DPYD: variants seen among roughly 807,000 people sequenced by gnomAD.
DPYD encodes dihydropyrimidine dehydrogenase, also known as dihydropyrimidine dehydrogenase [NADP(+)].
A neutral mutation model predicts 116.2 loss-of-function variants in DPYD; 109 were observed. That is an observed-to-expected ratio of 0.94 (90% CI 0.80 to 1.10). The LOEUF is 1.10. Ranked by LOEUF, DPYD falls within the 50% of genes least tolerant of loss-of-function variation. The pLI is 0.00. For missense variants in DPYD, 1,302 were observed against 1,254.5 expected (o/e 1.04, Z -0.57); for synonymous variants, 440 against 432.0 (o/e 1.02, Z -0.23).
intron 16 of DPYD, among the ~76,000 whole-genome samples, chr1:97,314,223 G>A (rs1667681453): frequency 6.6e-6 from 1 of 151,790 alleles, no homozygotes; most frequent in Non-Finnish European, 1.5e-5. Flanking sequence ...TATATTGAGG[G>A]CTTTTCCAGA....
rs145414997 is a variant in DPYD, at chr1:97,284,335, T to TAA, written c.2299+20922_2299+20923dup. ...ATATTCTCAATATTAATATTTATCA[T>TAA]AAACTACTTTTAGTTTTCTAAGATT... On this transcript the variant is annotated intron_variant, in intron 18 of 22. Coordinates refer to ENST00000370192, the MANE Select transcript of DPYD (RefSeq NM_000110.4). 1.0e-3 allele frequency among the ~76,000 whole-genome samples: 159 copies of TAA among 152,258 alleles called. 4 individuals are homozygous for TAA. The East Asian group carries it at 0.03, about 28-fold the overall frequency.
chr1:97,339,805 T>C (rs1669503509), intron 16 of DPYD, among the ~76,000 whole-genome samples: 1 of 152,178 alleles, frequency 6.6e-6, no homozygotes, highest in African/African-American at 2.4e-5. Context: ...GTTCTTAAAA[T>C]TTATGTTTGT....
At chr1:97,879,629 C>T (rs1293366712) in intron 2 of DPYD, among the ~76,000 whole-genome samples, 1 of 151,870 alleles carries the variant, frequency 6.6e-6, no homozygotes, top group Non-Finnish European at 1.5e-5. Context: ...GTCAGAATTT[C>T]CAATTAGTAC....
chr1:97,821,740 T>C (rs1336628426), intron 3 of DPYD, among the ~76,000 whole-genome samples: 1 of 152,190 alleles, frequency 6.6e-6, no homozygotes, highest in Admixed American at 6.5e-5. Context: ...ACTTCTCCAT[T>C]GAATTCCATT....
At chr1:97,659,736 T>A (rs529708437) in intron 8 of DPYD, among the ~76,000 whole-genome samples, 24 of 152,258 alleles carry the variant, frequency 1.6e-4, no homozygotes, top group Admixed American at 1.4e-3. Context: ...GCACATAGTA[T>A]AAGAACTCAA....
intron 14 of DPYD, among the ~76,000 whole-genome samples, chr1:97,443,061 A>C (rs1257484884): frequency 6.6e-6 from 1 of 152,154 alleles, no homozygotes; most frequent in Admixed American, 6.5e-5. Context: ...AGAGTGTCAT[A>C]AAAAGCAAGT....
intron 5 of DPYD, chr1:97,720,812 C>T (rs1235889062): frequency 1.0e-5 from 16 of 1,574,784 alleles, no homozygotes; most frequent in East Asian, 2.3e-5. Context: ...TTAAATGATA[C>T]ATGGGAATTA....
At chr1:97,322,497 G>C (rs1159422680) in intron 16 of DPYD, among the ~76,000 whole-genome samples, 1 of 152,014 alleles carries the variant, frequency 6.6e-6, no homozygotes, top group Non-Finnish European at 1.5e-5. Context: ...ATGTGGGATA[G>C]AGAAGGCTTT....
rs1412781664 is a variant in DPYD, at chr1:97,218,832, C to CA, written c.2442+16019dup. Among the ~76,000 whole-genome samples, 9 of 151,868 alleles carry CA rather than the reference C, an allele frequency of 5.9e-5. No homozygotes were observed. The Middle Eastern group carries it at 0.01, about 172-fold the overall frequency. ...GTGAACACATTGAAAATATGGTGAC[C>CA]AAACATGAGACTAATTGTAAATAGG... On this transcript the variant is annotated intron_variant, in intron 19 of 22. Coordinates refer to ENST00000370192, the MANE Select transcript of DPYD (RefSeq NM_000110.4).
At chr1:97,398,397 C>T (rs1337794246) in intron 14 of DPYD, among the ~76,000 whole-genome samples, 1 of 152,120 alleles carries the variant, frequency 6.6e-6, no homozygotes, top group East Asian at 1.9e-4. Context: ...AATAGTGCCA[C>T]ATTAAACATA....
chr1:97,079,092 C>CTG lies in DPYD; in HGVS notation c.2960_2961dup (p.Gly988GlnfsTer35). The CTG allele has an allele frequency of 6.2e-7, 1 of 1,613,764 alleles. No individual in the cohort carries two copies. Among genetic ancestry groups the CTG allele is most frequent in the South Asian group, 1.1e-5 (1 of 91,064 alleles). On this transcript the variant is annotated frameshift_variant, in exon 23 of 23. Coordinates refer to ENST00000370192, the MANE Select transcript of DPYD (RefSeq NM_000110.4). LOFTEE classifies it high-confidence loss of function. ...CAAACACTGAGACACAGAGTACAGCCTGTACAAGTGTCGGTTATGGTGGGC... is the reference window on the plus strand; with the variant it reads ...CAAACACTGAGACACAGAGTACAGCCTGTGTACAAGTGTCGGTTATGGTGGGC...
At chr1:97,539,133 G>A (rs1203761444) in intron 12 of DPYD, among the ~76,000 whole-genome samples, 1 of 152,052 alleles carries the variant, frequency 6.6e-6, no homozygotes, top group African/African-American at 2.4e-5. Context: ...TTTTATTGTT[G>A]TTGAAGGTTG....
intron 7 of DPYD, among the ~76,000 whole-genome samples, chr1:97,679,952 G>A (rs993609119): frequency 3.3e-5 from 5 of 152,038 alleles, no homozygotes; most frequent in African/African-American, 1.2e-4. Context: ...CTGGAAAAAG[G>A]GGAATGATCA....
intron 14 of DPYD, among the ~76,000 whole-genome samples, chr1:97,432,244 G>A (rs991176942): frequency 2.0e-5 from 3 of 151,998 alleles, no homozygotes; most frequent in Non-Finnish European, 4.4e-5. Context: ...TGGGTCATAC[G>A]GTAGTTCTAT....
intron 20 of DPYD, among the ~76,000 whole-genome samples, chr1:97,114,616 T>C (rs1047425884): frequency 3.3e-5 from 5 of 152,108 alleles, no homozygotes; most frequent in Admixed American, 6.6e-5. Flanking sequence ...CTTAGAGATA[T>C]TTTTCTAGGG....
intron 18 of DPYD, among the ~76,000 whole-genome samples, chr1:97,289,891 T>C (rs1252657538): frequency 6.6e-6 from 1 of 151,648 alleles, no homozygotes; most frequent in Non-Finnish European, 1.5e-5. Context: ...AAAGAGGAAG[T>C]CAAATTGTCC....
At chr1:97,090,697 A>G (rs1217763646) in intron 21 of DPYD, among the ~76,000 whole-genome samples, 1 of 152,204 alleles carries the variant, frequency 6.6e-6, no homozygotes, top group Non-Finnish European at 1.5e-5. Context: ...CTCCCTTGCT[A>G]GACTATGAGC....
chr1:97,913,955 A>G (rs1049497346), intron 1 of DPYD, among the ~76,000 whole-genome samples: 2 of 152,056 alleles, frequency 1.3e-5, no homozygotes, highest in African/African-American at 2.4e-5. Context: ...AGTGGCCCTC[A>G]GGGATTAATT....
At chr1:97,267,024 T>C (rs771542838) in intron 18 of DPYD, among the ~76,000 whole-genome samples, 1 of 152,214 alleles carries the variant, frequency 6.6e-6, no homozygotes, top group South Asian at 2.1e-4. Flanking sequence ...ACATGATTTG[T>C]AATCCTTTGG....
Sources: allele counts gnomAD v4.1 joint callset (sites outside exome capture counted in the v4.1 genomes callset), GRCh38; gene constraint gnomAD v4.1.1; transcripts MANE v1.5; gene names NCBI Gene and HGNC (gene_info 2026-07-23, HGNC 2026-07-21).